KIRREL3: variants seen among roughly 807,000 people sequenced by gnomAD.
KIRREL3 encodes kin of IRRE-like protein 3.
A neutral mutation model predicts 89.7 loss-of-function variants in KIRREL3; 36 were observed. The observed-to-expected ratio is 0.40, with a 90% CI of 0.31 to 0.53. The LOEUF (loss-of-function observed/expected upper bound fraction) is 0.53, where lower values mean the gene tolerates loss of function less well. KIRREL3 is among the 20% of genes least tolerant of loss of function. KIRREL3 has a pLI of 0.49. For missense variants in KIRREL3, 864 were observed against 1,056.6 expected (o/e 0.82, Z 2.53); for synonymous variants, 445 against 441.4 (o/e 1.01, Z -0.10).
Position 126,877,183 on chromosome 11 carries a change from G to C in KIRREL3, c.55+123272C>G, listed in dbSNP as rs1343549621. Among the ~76,000 whole-genome samples the C allele has an allele frequency of 2.0e-5, 3 of 152,206 alleles. No homozygotes were observed. Among genetic ancestry groups the C allele is most frequent in the Non-Finnish European group, 4.4e-5 (3 of 68,040 alleles). On this transcript the variant is annotated intron_variant, in intron 1 of 16. Coordinates refer to ENST00000525144, the MANE Select transcript of KIRREL3 (RefSeq NM_032531.4). The surrounding 1 kb of genome is among the most constrained non-coding windows in gnomAD (Gnocchi z 4.9). The stretch of plus-strand genomic sequence containing the variant: ...AAGAGACCATTGATTGAGGAGCACT[G>C]TTATGCCTCTTAGTTGACAGCCAGT...
chr11:126,810,684 G>T (rs139283811), intron 1 of KIRREL3, among the ~76,000 whole-genome samples: 1 of 152,284 alleles, frequency 6.6e-6, no homozygotes, highest in Non-Finnish European at 1.5e-5. Context: ...TTACATTGAA[G>T]AGGGAAATTG....
At chr11:126,804,785 C>T (rs186150819) in intron 1 of KIRREL3, among the ~76,000 whole-genome samples, 76 of 152,284 alleles carry the variant, frequency 5.0e-4, no homozygotes, top group Non-Finnish European at 3.4e-4. Flanking sequence ...CAGTGGCTCA[C>T]AACCTGAGAA....
At chr11:126,939,061 C>T (rs1046602900) in intron 1 of KIRREL3, among the ~76,000 whole-genome samples, 4 of 152,174 alleles carry the variant, frequency 2.6e-5, no homozygotes, top group Admixed American at 6.5e-5. Flanking sequence ...AGTACGGACC[C>T]GCAGTGATGC....
intron 1 of KIRREL3, among the ~76,000 whole-genome samples, chr11:126,733,305 A>G (rs1159194527): frequency 6.6e-6 from 1 of 152,198 alleles, no homozygotes; most frequent in Non-Finnish European, 1.5e-5. Context: ...GTCATGGTCA[A>G]GACCCCTCTC....
rs1231613345 is a variant in KIRREL3 at position 126,954,170 on chromosome 11, C to A, written c.55+46285G>T. Among the ~76,000 whole-genome samples, 1 of 151,424 alleles carries A rather than the reference C, an allele frequency of 6.6e-6. No homozygotes were observed. Among genetic ancestry groups the A allele is most frequent in the East Asian group, 1.9e-4 (1 of 5,132 alleles). ...GGGGGTGGTATTGAGGTATTGAGGT[C>A]ATCACTTATAGGTAAGTACTGGAGG... On this transcript the variant is annotated intron_variant, in intron 1 of 16. Coordinates refer to ENST00000525144, the MANE Select transcript of KIRREL3 (RefSeq NM_032531.4). This position sits in a 1 kb window ranked among gnomAD's most constrained non-coding sequence, Gnocchi z 4.1.
In KIRREL3 at chr11:126,652,126, T is replaced by C. The variant is rs1944929620; in HGVS notation, c.56-89214A>G. Reference sequence around the variant, plus strand: ...AGTAGGTCTGATCTGTCTGGAGGATTCCTTTAAAAAAACCCAAGGTTCTGG... The same window carrying C: ...AGTAGGTCTGATCTGTCTGGAGGATCCCTTTAAAAAAACCCAAGGTTCTGG... On this transcript the variant is annotated intron_variant, in intron 1 of 16. Coordinates refer to ENST00000525144, the MANE Select transcript of KIRREL3 (RefSeq NM_032531.4). The surrounding 1 kb of genome is among the most constrained non-coding windows in gnomAD (Gnocchi z 4.9). Among the ~76,000 whole-genome samples the C allele has an allele frequency of 6.6e-6, 1 of 152,088 alleles. No homozygotes were observed. The highest frequency in any genetic ancestry group is 1.5e-5 in the Non-Finnish European group (1 of 68,024).
At chr11:126,767,012 G>C (rs1417239594) in intron 1 of KIRREL3, among the ~76,000 whole-genome samples, 2 of 152,216 alleles carry the variant, frequency 1.3e-5, no homozygotes, top group Admixed American at 1.3e-4. Flanking sequence ...GGCTCTTTGT[G>C]GGTAAGAGGG....
At chr11:126,447,158 G>T (rs1231080045) in intron 8 of KIRREL3, among the ~76,000 whole-genome samples, 2 of 152,244 alleles carry the variant, frequency 1.3e-5, no homozygotes, top group East Asian at 1.9e-4. Flanking sequence ...GGCCTGGGAA[G>T]AAGGTGCTGG....
Position 126,855,937 on chromosome 11 carries a change from A to T in KIRREL3, c.55+144518T>A, listed in dbSNP as rs557142294. ...GACCCAGCAGGGGCTACATAGGGAG[A>T]TTTGGAGGCACCAAAAGGTGTTCTT... is the stretch of plus-strand genomic sequence containing the variant. On this transcript the variant is annotated intron_variant, in intron 1 of 16. Transcript: ENST00000525144. Among the ~76,000 whole-genome samples the T allele has an allele frequency of 2.0e-5, 3 of 152,282 alleles. No individual in the cohort carries two copies. In the East Asian group the frequency reaches 5.8e-4, roughly 29 times the overall value.
chr11:126,938,990 G>A (rs1948321616), intron 1 of KIRREL3, among the ~76,000 whole-genome samples: 1 of 152,130 alleles, frequency 6.6e-6, no homozygotes, highest in Non-Finnish European at 1.5e-5. Context: ...TACCTGCCAG[G>A]GAAAAAGCTT....
chr11:126,507,808 C>A (rs979477522), intron 4 of KIRREL3, among the ~76,000 whole-genome samples: 3 of 152,192 alleles, frequency 2.0e-5, no homozygotes, highest in South Asian at 2.1e-4. Context: ...TTGGGCTGAA[C>A]CTGGACGTGA....
At chr11:126,884,087 G>A (rs1945610440) in intron 1 of KIRREL3, among the ~76,000 whole-genome samples, 1 of 152,194 alleles carries the variant, frequency 6.6e-6, no homozygotes. Flanking sequence ...ACATGGATAA[G>A]TAAACAAAAT....
chr11:126,937,622 C>A (rs528265766), intron 1 of KIRREL3, among the ~76,000 whole-genome samples: 1 of 152,180 alleles, frequency 6.6e-6, no homozygotes, highest in Non-Finnish European at 1.5e-5. Context: ...AGCAGTTGGC[C>A]GGGCGTGGTG....
In KIRREL3 at chr11:126,813,324, C is replaced by T. The variant is rs369861742; in HGVS notation, c.55+187131G>A. Among the ~76,000 whole-genome samples, 181 of 152,240 alleles carry T rather than the reference C, an allele frequency of 1.2e-3. 3 individuals carry two copies. In the South Asian group the frequency reaches 0.036, roughly 30 times the overall value. On this transcript the variant is annotated intron_variant, in intron 1 of 16. Transcript: ENST00000525144. ...ATCATTAAAAACATGTTCACTAGTCCAAAGCACCTCTCCCACCTGTGTATG... is the reference window on the plus strand; with the variant it reads ...ATCATTAAAAACATGTTCACTAGTCTAAAGCACCTCTCCCACCTGTGTATG...
At chr11:126,922,184 C>A (rs945586006) in intron 1 of KIRREL3, among the ~76,000 whole-genome samples, 4 of 138,926 alleles carry the variant, frequency 2.9e-5, no homozygotes, top group African/African-American at 1.0e-4. Context: ...TCTCTATCAT[C>A]TTTTGGTTCT....
intron 1 of KIRREL3, among the ~76,000 whole-genome samples, chr11:126,873,107 G>A (rs1017546556): frequency 1.3e-5 from 2 of 152,112 alleles, no homozygotes; most frequent in African/African-American, 4.8e-5. Flanking sequence ...TGTCAAAAGT[G>A]TAATATATCA....
Position 126,612,961 on chromosome 11 carries a change from T to C in KIRREL3, c.56-50049A>G, listed in dbSNP as rs537432591. Among the ~76,000 whole-genome samples, 44 of 152,340 alleles carry C rather than the reference T, an allele frequency of 2.9e-4. No individual in the cohort carries two copies. Among genetic ancestry groups the C allele is most frequent in the African/African-American group, 1.0e-3 (42 of 41,566 alleles). ...TATGAACATCTGTGTAAAGTTTTTG[T>C]GTGAACGTATGTTTTCAGTACTCTT... On this transcript the variant is annotated intron_variant, in intron 1 of 16. Transcript: ENST00000525144. The surrounding 1 kb of genome is among the most constrained non-coding windows in gnomAD (Gnocchi z 4.5).
chr11:126,642,423 C>T lies in KIRREL3; in HGVS notation c.56-79511G>A, dbSNP rs1212436223. Among the ~76,000 whole-genome samples, 1 of 152,236 alleles carries T rather than the reference C, an allele frequency of 6.6e-6. No individual in the cohort carries two copies. Among genetic ancestry groups the T allele is most frequent in the Non-Finnish European group, 1.5e-5 (1 of 68,044 alleles). On this transcript the variant is annotated intron_variant, in intron 1 of 16. Coordinates refer to ENST00000525144, the MANE Select transcript of KIRREL3 (RefSeq NM_032531.4). This position sits in a 1 kb window ranked among gnomAD's most constrained non-coding sequence, Gnocchi z 4.9. ...GGGAACAGGAGGGGAAGAAAATTGC[C>T]TCTCTGTGAAAGCACATTACAATGT...
Position 126,811,435 on chromosome 11 carries a change from A to G in KIRREL3, c.55+189020T>C, listed in dbSNP as rs984047193. On this transcript the variant is annotated intron_variant, in intron 1 of 16. Transcript: ENST00000525144. The surrounding 1 kb of genome is among the most constrained non-coding windows in gnomAD (Gnocchi z 4.3). ...AATTGCTGCATCCCTAGAACCCTGAAAAGTGTCTAGCACATAGAGTATTCT... is the reference window on the plus strand; with the variant it reads ...AATTGCTGCATCCCTAGAACCCTGAGAAGTGTCTAGCACATAGAGTATTCT... 6.6e-6 allele frequency among the ~76,000 whole-genome samples: 1 copy of G among 152,186 alleles called. No individual in the cohort carries two copies. Among genetic ancestry groups the G allele is most frequent in the African/African-American group, 2.4e-5 (1 of 41,440 alleles).
Sources: allele counts gnomAD v4.1 joint callset (sites outside exome capture counted in the v4.1 genomes callset), GRCh38; gene constraint gnomAD v4.1.1; non-coding constraint Gnocchi (gnomAD v3.1); transcripts MANE v1.5; gene names NCBI Gene and HGNC (gene_info 2026-07-23, HGNC 2026-07-21).